Variants in CEP128 observed in about 807,000 individuals in gnomAD.
The protein encoded by CEP128 is centrosomal protein 128.
A neutral mutation model predicts 156.7 loss-of-function variants in CEP128; 132 were observed. That is an observed-to-expected ratio of 0.84 (90% CI 0.73 to 0.97). The LOEUF is 0.97. Among genes scored for constraint, CEP128 ranks in the 50% least tolerant of loss-of-function variants. The pLI is 0.00. For synonymous variants in CEP128, 469 were observed against 448.9 expected (o/e 1.04, Z -0.57); for missense variants, 1,252 against 1,281.9 (o/e 0.98, Z 0.36).
chr14:80,678,239 A>G (rs1896170510), intron 19 of CEP128, among the ~76,000 whole-genome samples: 1 of 151,760 alleles, frequency 6.6e-6, no homozygotes, highest in African/African-American at 2.4e-5. Flanking sequence ...TCTTACATGT[A>G]GCCATTGGGG....
chr14:80,613,277 C>CA (rs1302448575), intron 19 of CEP128, among the ~76,000 whole-genome samples: 2 of 145,962 alleles, frequency 1.4e-5, no homozygotes, highest in African/African-American at 5.0e-5. Flanking sequence ...GCTCAAAACT[C>CA]AAACAATGGA....
intron 24 of CEP128, among the ~76,000 whole-genome samples, chr14:80,501,549 G>C (rs1215107972): frequency 2.0e-5 from 3 of 151,084 alleles, no homozygotes; most frequent in African/African-American, 7.3e-5. Context: ...CTGTCACCCA[G>C]GCTGGAGTGC....
intron 23 of CEP128, among the ~76,000 whole-genome samples, chr14:80,524,799 G>T (rs1344795190): frequency 6.6e-6 from 1 of 152,098 alleles, no homozygotes; most frequent in African/African-American, 2.4e-5. Flanking sequence ...TATTAATGTG[G>T]AACAACACCA....
Position 80,914,316 on chromosome 14 carries a change from T to A in CEP128, c.234+6A>T. ...GGAGAAAATGCAAACAAATGTAGTT[T>A]CTCACATGTTCTATCGCACCCGCCT... On this transcript the variant is annotated splice_donor_region_variant and intron_variant, in intron 4 of 24. Transcript: ENST00000555265. 6.2e-7 allele frequency: 1 copy of A among 1,607,004 alleles called. No individual in the cohort carries two copies. The highest frequency in any genetic ancestry group is 1.1e-5 in the South Asian group (1 of 90,806).
At chr14:80,913,105 T>C (rs961791216) in intron 4 of CEP128, among the ~76,000 whole-genome samples, 1 of 152,166 alleles carries the variant, frequency 6.6e-6, no homozygotes, top group Non-Finnish European at 1.5e-5. Flanking sequence ...TACATCCCCA[T>C]GTAAAGTAAG....
chr14:80,661,494 C>T (rs1348937855), intron 19 of CEP128, among the ~76,000 whole-genome samples: 2 of 150,020 alleles, frequency 1.3e-5, no homozygotes, highest in Admixed American at 6.6e-5. Flanking sequence ...AAACTGAAGT[C>T]TCCCTCTTAA....
intron 24 of CEP128, among the ~76,000 whole-genome samples, chr14:80,498,986 G>A (rs1358974429): frequency 1.3e-5 from 2 of 152,066 alleles, no homozygotes; most frequent in African/African-American, 4.8e-5. Context: ...AAAAATATCC[G>A]GCGTTTAACC....
chr14:80,666,565 T>C (rs1273242901), intron 19 of CEP128, among the ~76,000 whole-genome samples: 1 of 152,128 alleles, frequency 6.6e-6, no homozygotes, highest in African/African-American at 2.4e-5. Context: ...TGAGTCAACT[T>C]GGGACAAAAA....
chr14:80,884,121 T>C (rs976771666), intron 8 of CEP128, among the ~76,000 whole-genome samples: 7 of 152,226 alleles, frequency 4.6e-5, no homozygotes, highest in African/African-American at 1.7e-4. Flanking sequence ...TATGAAACTA[T>C]TACAAAGAAA....
intron 2 of CEP128, among the ~76,000 whole-genome samples, chr14:80,918,868 G>T (rs1884701888): frequency 6.6e-6 from 1 of 152,228 alleles, no homozygotes; most frequent in South Asian, 2.1e-4. Flanking sequence ...AAAAAGCCCT[G>T]AAACAAATCA....
At chr14:80,855,893 C>T (rs1199252190) in intron 9 of CEP128, among the ~76,000 whole-genome samples, 2 of 152,084 alleles carry the variant, frequency 1.3e-5, no homozygotes, top group African/African-American at 2.4e-5. Context: ...GAAGCTTCTC[C>T]CTTAATGAGT....
intron 19 of CEP128, among the ~76,000 whole-genome samples, chr14:80,735,581 A>G (rs532639015): frequency 6.6e-6 from 1 of 152,182 alleles, no homozygotes; most frequent in African/African-American, 2.4e-5. Flanking sequence ...ACAGATCTCT[A>G]ATTTCATTAT....
intron 19 of CEP128, among the ~76,000 whole-genome samples, chr14:80,663,754 A>G (rs1302734633): frequency 6.6e-6 from 1 of 152,210 alleles, no homozygotes; most frequent in African/African-American, 2.4e-5. Context: ...TCAGGCCTGC[A>G]GCCAGAGAGC....
At chr14:80,810,905 G>C (rs963255241) in intron 13 of CEP128, among the ~76,000 whole-genome samples, 9 of 152,108 alleles carry the variant, frequency 5.9e-5, no homozygotes, top group Non-Finnish European at 8.8e-5. Context: ...ATTAAGTTTA[G>C]CATGCATTAG....
intron 2 of CEP128, among the ~76,000 whole-genome samples, chr14:80,954,555 T>C (rs190852079): frequency 1.7e-3 from 259 of 152,336 alleles, no homozygotes; most frequent in Non-Finnish European, 2.6e-3. Flanking sequence ...TGTCTTTTTC[T>C]AGTCAATCTT....
intron 21 of CEP128, among the ~76,000 whole-genome samples, chr14:80,556,362 G>A (rs1422438970): frequency 6.6e-6 from 1 of 152,154 alleles, no homozygotes; most frequent in Non-Finnish European, 1.5e-5. Context: ...GTGAGGTTGA[G>A]ATACATGCAG....
intron 19 of CEP128, among the ~76,000 whole-genome samples, chr14:80,696,058 A>G (rs978528280): frequency 2.0e-5 from 3 of 152,134 alleles, no homozygotes; most frequent in Non-Finnish European, 4.4e-5. Flanking sequence ...CCGTCCAGTA[A>G]TAACTGGAAA....
intron 19 of CEP128, among the ~76,000 whole-genome samples, chr14:80,593,574 C>CATCTTCTCA (rs1892181119): frequency 6.6e-6 from 1 of 151,262 alleles, no homozygotes; most frequent in Non-Finnish European, 1.5e-5. Flanking sequence ...AAGAAAACCC[C>CATCTTCTCA]ATCTTCTCAG....
intron 19 of CEP128, among the ~76,000 whole-genome samples, chr14:80,652,420 G>C (rs1010358570): frequency 1.3e-5 from 2 of 152,042 alleles, no homozygotes; most frequent in Non-Finnish European, 1.5e-5. Context: ...TACAGAATAA[G>C]AGAACAATTT....
Sources: allele counts gnomAD v4.1 joint callset (sites outside exome capture counted in the v4.1 genomes callset), GRCh38; gene constraint gnomAD v4.1.1; transcripts MANE v1.5; gene names NCBI Gene and HGNC (gene_info 2026-07-23, HGNC 2026-07-21).